PDE2A: variants seen among roughly 807,000 people sequenced by gnomAD.
PDE2A encodes cGMP-dependent 3',5'-cyclic phosphodiesterase.
In PDE2A, 53 loss-of-function variants were observed where a neutral mutation model predicts 133.6. That is an observed-to-expected ratio of 0.40 (90% CI 0.32 to 0.50). PDE2A has a LOEUF of 0.50. Among genes scored for constraint, PDE2A ranks in the 20% least tolerant of loss-of-function variants. The pLI, the probability that PDE2A is intolerant of heterozygous loss-of-function variation, is 0.73. For synonymous variants in PDE2A, 491 were observed against 490.2 expected, an observed-to-expected ratio of 1.00 and a Z score of -0.02; for missense variants, 796 against 1,232.4, an observed-to-expected ratio of 0.65 and a Z score of 5.30.
intron 2 of PDE2A, among the ~76,000 whole-genome samples, chr11:72,626,557 A>G (rs1252936847): frequency 1.3e-5 from 2 of 152,218 alleles, no homozygotes; most frequent in Admixed American, 1.3e-4. Flanking sequence ...AGTGCTGCCT[A>G]CAGCGCGGCC....
In PDE2A at chr11:72,577,239, G is replaced by GACAAGTA; in HGVS notation, c.*144_*145insTACTTGT. On this transcript the variant is annotated 3_prime_UTR_variant, in exon 31 of 31. Transcript: ENST00000334456. ...CCATTATACAGACGAGAAAGCTGAG[G>GACAAGTA]CCCAGGAAGGTAGTACTTGTCCAGG... is the stretch of plus-strand genomic sequence containing the variant. The GACAAGTA allele has an allele frequency of 1.6e-6, 1 of 615,696 alleles. No individual in the cohort carries two copies. The highest frequency in any genetic ancestry group is 2.7e-5 in the East Asian group (1 of 36,504). 38.1% of individuals were successfully genotyped at this position (615,696 alleles called of 1,614,324 possible). A position where few individuals can be genotyped will look rare whatever the true frequency, so the allele number is the denominator to read the frequency against.
intron 1 of PDE2A, chr11:72,643,122 C>T (rs1006574544): frequency 1.6e-4 from 25 of 152,516 alleles, no homozygotes; most frequent in African/African-American, 5.3e-4. Context: ...CGCGGTGGGA[C>T]CCGCGCTCCG....
intron 19 of PDE2A, 35 bp downstream of exon 19, chr11:72,584,164 CTA>C: frequency 3.4e-6 from 3 of 878,376 alleles, no homozygotes; most frequent in Non-Finnish European, 5.6e-6. Context: ...GCCCCGCCCC[CTA>C]TCACCCCACA....
chr11:72,604,995 C>G, intron 4 of PDE2A, 143 bp downstream of exon 4: 1 of 527,236 alleles, frequency 1.9e-6, no homozygotes, highest in Non-Finnish European at 3.4e-6. Context: ...GAGTCAGCAA[C>G]CTGGCCAAGG....
chr11:72,666,713 G>A (rs1388161717), intron 1 of PDE2A, among the ~76,000 whole-genome samples: 1 of 152,072 alleles, frequency 6.6e-6, no homozygotes. Context: ...CACACATACG[G>A]TTTCACTAGA....
At chr11:72,659,487 T>C (rs1399550759) in intron 1 of PDE2A, 1 of 151,916 alleles carries the variant, frequency 6.6e-6, no homozygotes, top group Non-Finnish European at 1.5e-5. Flanking sequence ...GTGAGGTGTG[T>C]GCTCTAAAAA....
intron 1 of PDE2A, among the ~76,000 whole-genome samples, chr11:72,656,626 T>C (rs1165416041): frequency 2.6e-5 from 4 of 151,978 alleles, no homozygotes; most frequent in Non-Finnish European, 5.9e-5. Flanking sequence ...GGCATAGCCC[T>C]TGCTGATGCA....
intron 6 of PDE2A, among the ~76,000 whole-genome samples, chr11:72,596,008 T>C (rs1301190519): frequency 6.6e-6 from 1 of 152,134 alleles, no homozygotes; most frequent in Non-Finnish European, 1.5e-5. Context: ...TAGCTGCCTG[T>C]CTTCCGCCCA....
intron 1 of PDE2A, among the ~76,000 whole-genome samples, chr11:72,654,150 G>A (rs1854827984): frequency 6.6e-6 from 1 of 152,042 alleles, no homozygotes; most frequent in African/African-American, 2.4e-5. Context: ...CCCAATAGCA[G>A]GCCCTGTGTC....
In PDE2A at chr11:72,584,869, C is replaced by T; in HGVS notation, c.1359+3G>A. 3 of 1,613,836 alleles carry T rather than the reference C, an allele frequency of 1.9e-6. No homozygotes were observed. The highest frequency in any genetic ancestry group is 2.5e-6 in the Non-Finnish European group (3 of 1,179,712). On this transcript the variant is annotated splice_donor_region_variant and intron_variant, in intron 17 of 30. Transcript: ENST00000334456. ...GCCACATACTCCCTCCACACCCTCT[C>T]ACCTCATCATCCACCACGCCCCCGT... is the stretch of plus-strand genomic sequence containing the variant.
At chr11:72,608,590 G>T in intron 3 of PDE2A, 72 bp downstream of exon 3, 1 of 775,374 alleles carries the variant, frequency 1.3e-6, no homozygotes, top group East Asian at 2.7e-5. Flanking sequence ...GGCCCTGAGT[G>T]AGGTACAGCA....
intron 18 of PDE2A, 46 bp from the exon 19 acceptor site, chr11:72,584,359 C>CGGTT: frequency 7.3e-7 from 1 of 1,367,526 alleles, no homozygotes; most frequent in African/African-American, 1.4e-5. Context: ...AGGGAGGGAT[C>CGGTT]GGTTGGAGGG....
chr11:72,634,156 G>A (rs1156769582), intron 2 of PDE2A, among the ~76,000 whole-genome samples: 1 of 152,186 alleles, frequency 6.6e-6, no homozygotes, highest in Admixed American at 6.5e-5. Flanking sequence ...GAGATGAGAA[G>A]AGGGAAGGGG....
intron 6 of PDE2A, among the ~76,000 whole-genome samples, chr11:72,592,752 G>A (rs2080794604): frequency 6.6e-6 from 1 of 152,062 alleles, no homozygotes; most frequent in Non-Finnish European, 1.5e-5. Flanking sequence ...GCCACTGTCT[G>A]TGGGGTGTAG....
Position 72,597,581 on chromosome 11 carries a change from C to G in PDE2A, c.362G>C (p.Gly121Ala). The G allele has an allele frequency of 6.2e-7, 1 of 1,612,968 alleles. No individual in the cohort carries two copies. The highest frequency in any genetic ancestry group is 8.5e-7 in the Non-Finnish European group (1 of 1,179,854). Residue 121 changes from glycine to alanine, a missense_variant, in exon 5 of 31, where the codon GGG becomes GCG. Transcript: ENST00000334456. This position sits in a 1 kb window ranked among gnomAD's most constrained non-coding sequence, Gnocchi z 4.6. The part of the protein sequence containing the change: ...IISQKRLGCN[G>A]LGFSDLPGKP... ...CCCTGGCAGGTCTGAGAAGCCCAGC[C>G]CATTGCAGCCCAGCCGCTTCTGGGA... is the stretch of plus-strand genomic sequence containing the variant.
intron 2 of PDE2A, among the ~76,000 whole-genome samples, chr11:72,616,901 G>A (rs2135385411): frequency 6.6e-6 from 1 of 152,308 alleles, no homozygotes; most frequent in Non-Finnish European, 1.5e-5. Flanking sequence ...GGCCTTCTGA[G>A]AATTCCCAGG....
intron 14 of PDE2A, 34 bp from the exon 15 acceptor site, chr11:72,585,627 C>A (rs1202932509): frequency 1.2e-6 from 2 of 1,607,122 alleles, no homozygotes; most frequent in South Asian, 2.2e-5. Flanking sequence ...ATAGGGGGGT[C>A]GGGGTGTAGG....
chr11:72,673,211 A>G (rs1855422713), intron 1 of PDE2A, among the ~76,000 whole-genome samples: 1 of 152,040 alleles, frequency 6.6e-6, no homozygotes, highest in African/African-American at 2.4e-5. Context: ...TACAAACTCA[A>G]CCTAATAGAC....
At chr11:72,585,487 G>A (rs1163329929) in intron 15 of PDE2A, 53 bp from the exon 16 acceptor site, 10 of 1,609,376 alleles carry the variant, frequency 6.2e-6, no homozygotes, top group East Asian at 2.2e-5. Flanking sequence ...AAGACCTCCC[G>A]CCTCTCCTCT....
Sources: gnomAD v4.1 joint callset for allele counts (sites outside exome capture counted in the v4.1 genomes callset) on GRCh38, gnomAD v4.1.1 for gene constraint, Gnocchi (gnomAD v3.1) non-coding constraint, MANE v1.5 for transcripts, NCBI Gene and HGNC (gene_info 2026-07-23, HGNC 2026-07-21) for gene names.